The following LRRC49 variants were observed in gnomAD, a reference collection of about 807,000 sequenced individuals.
LRRC49 encodes the protein leucine-rich repeat-containing protein 49.
Under a neutral mutation model 83.3 loss-of-function variants are expected in LRRC49, and 50 were observed. That is an observed-to-expected ratio of 0.60 (90% CI 0.48 to 0.76). The LOEUF (loss-of-function observed/expected upper bound fraction) is 0.76. Ranked by LOEUF, LRRC49 falls within the 30% of genes least tolerant of loss-of-function variation. The pLI, the probability that LRRC49 is intolerant of heterozygous loss-of-function variation, is 0.00. For synonymous variants in LRRC49, 286 were observed against 283.3 expected (o/e 1.01, Z -0.10); for missense variants, 704 against 809.1 (o/e 0.87, Z 1.58).
At chr15:70,854,199 G>T in intron 1 of LRRC49, 2 of 766,196 alleles carry the variant, frequency 2.6e-6, no homozygotes, top group Non-Finnish European at 3.4e-6. Flanking sequence ...CCTGCCGCTC[G>T]GCCCAGGGGA....
At chr15:71,032,190 G>A (rs371466595) in intron 14 of LRRC49, among the ~76,000 whole-genome samples, 18 of 152,268 alleles carry the variant, frequency 1.2e-4, no homozygotes, top group African/African-American at 4.1e-4. Context: ...GTAACCCAGC[G>A]GGGTAGCACA....
At chr15:71,017,528 T>C (rs2038863873) in intron 14 of LRRC49, among the ~76,000 whole-genome samples, 1 of 151,064 alleles carries the variant, frequency 6.6e-6, no homozygotes. Flanking sequence ...AAAAAGACAG[T>C]TGAGATAATA....
chr15:70,891,614 TGTGTGA>T (rs1423288205), upstream of LRRC49, among the ~76,000 whole-genome samples: 4 of 114,660 alleles, frequency 3.5e-5, no homozygotes, highest in Non-Finnish European at 5.4e-5. Flanking sequence ...TGTGTGTGTG[TGTGTGA>T]GTTTTGGGGG....
chr15:70,904,512 C>A, intron 4 of LRRC49, 40 bp from the exon 5 acceptor site: 1 of 1,350,408 alleles, frequency 7.4e-7, no homozygotes, highest in Non-Finnish European at 1.1e-6. Context: ...AGGTAAGTGG[C>A]TGAATCATAA....
chr15:70,901,078 G>T, intron 4 of LRRC49, 54 bp downstream of exon 4: 1 of 1,007,364 alleles, frequency 9.9e-7, no homozygotes, highest in Non-Finnish European at 1.5e-6. Context: ...ACATAGACGT[G>T]GTACAAGACT....
upstream of LRRC49, among the ~76,000 whole-genome samples, chr15:70,889,553 T>C (rs2033499440): frequency 6.6e-6 from 1 of 152,340 alleles, no homozygotes; most frequent in Middle Eastern, 3.4e-3. Context: ...GTATTTGCTA[T>C]AGTTCAAGTC....
chr15:70,951,902 A>G (rs2036230574), intron 8 of LRRC49, among the ~76,000 whole-genome samples: 2 of 151,956 alleles, frequency 1.3e-5, no homozygotes, highest in Non-Finnish European at 2.9e-5. Flanking sequence ...CTATAGGTTT[A>G]TGTTATATGG....
At chr15:71,023,108 A>G (rs1051924747) in intron 14 of LRRC49, among the ~76,000 whole-genome samples, 4 of 152,246 alleles carry the variant, frequency 2.6e-5, no homozygotes, top group Non-Finnish European at 4.4e-5. Context: ...ACTGAAATAT[A>G]ATAAAAATAC....
chr15:71,004,251 C>T (rs2038373235), intron 11 of LRRC49, among the ~76,000 whole-genome samples: 1 of 152,088 alleles, frequency 6.6e-6, no homozygotes, highest in Non-Finnish European at 1.5e-5. Flanking sequence ...ATTGTTCAAC[C>T]CAGCAATCCC....
intron 8 of LRRC49, among the ~76,000 whole-genome samples, chr15:70,940,029 T>G (rs1422147517): frequency 1.3e-5 from 2 of 152,134 alleles, no homozygotes; most frequent in Admixed American, 1.3e-4. Context: ...TTTTCAAAAT[T>G]TTACTGAAAA....
At chr15:71,012,247 G>A (rs1013889615) in intron 13 of LRRC49, among the ~76,000 whole-genome samples, 1 of 152,094 alleles carries the variant, frequency 6.6e-6, no homozygotes, top group Non-Finnish European at 1.5e-5. Flanking sequence ...ATGTAAGAAT[G>A]GGTCCTCATA....
intron 9 of LRRC49, among the ~76,000 whole-genome samples, chr15:70,965,819 A>G (rs1278537178): frequency 6.6e-6 from 1 of 151,942 alleles, no homozygotes; most frequent in Non-Finnish European, 1.5e-5. Flanking sequence ...TTATTCATTC[A>G]TTCATATCTA....
chr15:70,959,867 A>G (rs1361212445), intron 8 of LRRC49, among the ~76,000 whole-genome samples: 1 of 152,214 alleles, frequency 6.6e-6, no homozygotes, highest in Non-Finnish European at 1.5e-5. Flanking sequence ...TGATCAAAGT[A>G]TGTTTTCACA....
chr15:71,013,339 T>A (rs189559175), intron 14 of LRRC49, among the ~76,000 whole-genome samples: 160 of 152,298 alleles, frequency 1.1e-3, no homozygotes, highest in African/African-American at 3.7e-3. Flanking sequence ...GAACATGGGA[T>A]GATTATGAAT....
intron 1 of LRRC49, among the ~76,000 whole-genome samples, chr15:70,867,114 G>A (rs1395107261): frequency 6.6e-6 from 1 of 151,412 alleles, no homozygotes; most frequent in East Asian, 2.0e-4. Context: ...ACATCTCAAT[G>A]CCTGCTCTCT....
Position 71,051,568 on chromosome 15 carries a change from T to G in LRRC49, c.*1956T>G, listed in dbSNP as rs1277728647. On this transcript the variant is annotated 3_prime_UTR_variant, in exon 16 of 16. Transcript: ENST00000260382. The stretch of plus-strand genomic sequence containing the variant: ...GGGATTCTGGCAGATTGGAAAGATG[T>G]AAGAACTTGTGACTCTTTGGGAGTC... The G allele has an allele frequency of 1.3e-5, 2 of 152,278 alleles. No homozygotes were observed. The highest frequency in any genetic ancestry group is 2.9e-5 in the Non-Finnish European group (2 of 68,096). The allele number at this position is 152,278 out of a possible 1,614,324, so 9.4% of individuals were successfully genotyped here. A position where few individuals can be genotyped will look rare whatever the true frequency, so the allele number is the denominator to read the frequency against.
rs1172402509 is a variant in LRRC49, at chr15:70,858,963, A to G, written c.-299+5494A>G. The G allele has an allele frequency of 6.0e-6, 5 of 833,224 alleles. No homozygotes were observed. The Admixed American group carries it at 6.8e-5, about 11-fold the overall frequency. The allele number at this position is 833,224 out of a possible 1,614,324, so 51.6% of individuals were successfully genotyped here. ...TCTTAACCTGGAGGTGGACCCCAAC[A>G]TCCAGGCTCTACACACCCAAAGAAG... On this transcript the variant is annotated intron_variant, in intron 1 of 16. Transcript: ENST00000544974.
chr15:70,915,059 C>T (rs956441889), intron 6 of LRRC49, among the ~76,000 whole-genome samples: 1 of 152,172 alleles, frequency 6.6e-6, no homozygotes, highest in Non-Finnish European at 1.5e-5. Context: ...GTATATCAAT[C>T]AATCAAGACC....
rs1407010250 is a variant in LRRC49, at chr15:70,918,983, G to T, written c.568-67G>T. ...GTGACTTCGAATATTTTATTTTTAGGGTTTTTAGAACATGTATATTTCAGG... is the reference window on the plus strand; with the variant it reads ...GTGACTTCGAATATTTTATTTTTAGTGTTTTTAGAACATGTATATTTCAGG... On this transcript the variant is annotated intron_variant, in intron 6 of 15. Transcript: ENST00000260382. 4.0e-6 allele frequency: 5 copies of T among 1,244,326 alleles called. No individual in the cohort carries two copies. The African/African-American group carries it at 4.6e-5, about 11-fold the overall frequency. The allele number at this position is 1,244,326 out of a possible 1,614,324, so 77.1% of individuals were successfully genotyped here.
Sources: gnomAD v4.1 joint callset for allele counts (sites outside exome capture counted in the v4.1 genomes callset) on GRCh38, gnomAD v4.1.1 for gene constraint, MANE v1.5 for transcripts, NCBI Gene and HGNC (gene_info 2026-07-23, HGNC 2026-07-21) for gene names.